The following ZNF493 variants were observed in gnomAD, a reference collection of about 807,000 sequenced individuals.
The protein encoded by ZNF493 is zinc finger protein 493.
Under a neutral mutation model 12.2 loss-of-function variants are expected in ZNF493, and 11 were observed. That is an observed-to-expected ratio of 0.90 (90% CI 0.57 to 1.50). The LOEUF (loss-of-function observed/expected upper bound fraction) is 1.50, where lower values mean the gene tolerates loss of function less well. ZNF493 is among the 40% of genes most tolerant of loss of function. The probability of loss-of-function intolerance (pLI) is 0.00; values close to 1 mark genes in which losing one functional copy is unlikely to be tolerated. For synonymous variants in ZNF493, 286 were observed against 302.6 expected (o/e 0.95, Z 0.57); for missense variants, 950 against 906.6 (o/e 1.05, Z -0.61).
intron 1 of ZNF493, among the ~76,000 whole-genome samples, chr19:21,401,898 A>G (rs891148188): frequency 9.9e-5 from 15 of 151,230 alleles, no homozygotes; most frequent in Non-Finnish European, 2.1e-4. Flanking sequence ...CCAAAGTGCT[A>G]GGATTACAGG....
chr19:21,422,985 T>C lies in ZNF493; in HGVS notation c.326T>C (p.Leu109Pro). 6.2e-7 allele frequency: 1 copy of C among 1,608,204 alleles called. No individual in the cohort carries two copies. Among genetic ancestry groups the C allele is most frequent in the Non-Finnish European group, 8.5e-7 (1 of 1,177,902 alleles). Residue 109 changes from leucine to proline, a missense_variant, in exon 4 of 4, where the codon CTG (leucine) becomes CCG (proline). Leu to Pro is a moderately conservative substitution (Grantham distance 98). Transcript: ENST00000392288. Reference sequence around the variant, plus strand: ...AAAGATTCTTTTCAAAAAGTGATACTGAGAGAATATGTAAAATGTGGACAT... The same window carrying C: ...AAAGATTCTTTTCAAAAAGTGATACCGAGAGAATATGTAAAATGTGGACAT... ...GIKDSFQKVI[L>P]REYVKCGHKD...
rs372017276 is a variant in ZNF493 at position 21,423,711 on chromosome 19, G to A, written c.1052G>A (p.Cys351Tyr). The change falls in exon 4 of 4, where the codon TGT becomes TAT. Residue 351 changes from cysteine to tyrosine, a missense_variant. Cys to Tyr is a radical substitution (Grantham distance 194). Transcript: ENST00000392288. ...IIHTEEKSHR[C>Y]EEYCKAYKES... ...CACACTGAAGAGAAATCCCACAGAT[G>A]TGAAGAATATTGCAAAGCTTATAAG... 1.7e-5 allele frequency: 27 copies of A among 1,613,544 alleles called. 1 individual carries two copies. The highest frequency in any genetic ancestry group is 1.4e-4 in the South Asian group (13 of 91,058).
Position 21,423,106 on chromosome 19 carries a change from C to T in ZNF493, c.447C>T (p.Thr149=), listed in dbSNP as rs373244661. Residue 149 remains threonine, a synonymous_variant, in exon 4 of 4, where the codon ACC becomes ACT. Transcript: ENST00000392288. ...AACTAAACCAGTATTTGACAACTACCCAGAGCAAAATATTTCAATGTGATA... is the reference window on the plus strand; with the variant it reads ...AACTAAACCAGTATTTGACAACTACTCAGAGCAAAATATTTCAATGTGATA... ...YNELNQYLTT[T]QSKIFQCDKY... 6.2e-7 allele frequency: 1 copy of T among 1,613,634 alleles called. No homozygotes were observed. The highest frequency in any genetic ancestry group is 8.5e-7 in the Non-Finnish European group (1 of 1,179,788).
intron 3 of ZNF493, among the ~76,000 whole-genome samples, chr19:21,422,413 C>A (rs1412421840): frequency 7.1e-6 from 1 of 141,564 alleles, no homozygotes; most frequent in Non-Finnish European, 1.5e-5. Flanking sequence ...CAAAAGTTGG[C>A]AAGTTACTTC....
intron 3 of ZNF493, among the ~76,000 whole-genome samples, chr19:21,418,596 C>T (rs2030563286): frequency 6.6e-6 from 1 of 152,172 alleles, no homozygotes; most frequent in Non-Finnish European, 1.5e-5. Flanking sequence ...AAGACACACA[C>T]ACAGAAATAT....
chr19:21,413,011 G>T lies in ZNF493; in HGVS notation c.253+7155G>T, dbSNP rs1362722940. On this transcript the variant is annotated intron_variant, in intron 3 of 3. Coordinates refer to ENST00000392288, the MANE Select transcript of ZNF493 (RefSeq NM_001076678.3). ...ATCATTTCTATCATCTGACCATTTT[G>T]TTCAGATCAGCTGAACACAGTGTGG... 4 of 367,476 alleles carry T rather than the reference G, an allele frequency of 1.1e-5. No individual in the cohort carries two copies. The Admixed American group carries it at 1.5e-4, about 14-fold the overall frequency. 22.8% of individuals were successfully genotyped at this position (367,476 alleles called of 1,614,324 possible). A position where few individuals can be genotyped will look rare whatever the true frequency, so the allele number is the denominator to read the frequency against.
At chr19:21,405,997 G>T (rs2030113240) in intron 3 of ZNF493, 141 bp downstream of exon 3, 2 of 523,118 alleles carry the variant, frequency 3.8e-6, no homozygotes, top group Admixed American at 7.6e-5. Flanking sequence ...AAGGCAGGTG[G>T]ATCACCTGAG....
In ZNF493 at chr19:21,424,589, C is replaced by A. The variant is rs1468099548; in HGVS notation, c.1930C>A (p.Leu644Ile). Residue 644 changes from leucine to isoleucine, a missense_variant, in exon 4 of 4, where the codon CTC becomes ATC. By Grantham distance (5) the Leu-to-Ile change is conservative (BLOSUM62 2). Coordinates refer to ENST00000392288, the MANE Select transcript of ZNF493 (RefSeq NM_001076678.3). The part of the protein sequence containing the change: ...CGKAFKRSSH[L>I]AGHKQIHSVQ... ...CAAAGCTTTTAAGCGGTCCTCACAC[C>A]TCGCTGGGCACAAGCAAATTCATAG... 1 of 1,613,478 alleles carries A rather than the reference C, an allele frequency of 6.2e-7. No individual in the cohort carries two copies. The highest frequency in any genetic ancestry group is 1.3e-5 in the African/African-American group (1 of 74,960).
Position 21,425,406 on chromosome 19 carries a change from C to T in ZNF493, c.*422C>T, listed in dbSNP as rs556884720. ...TTACTGATTCTTATACCTTACTAAA[C>T]ATAAAATAATTCATAAAGGAGATAA... On this transcript the variant is annotated 3_prime_UTR_variant, in exon 4 of 4. Coordinates refer to ENST00000392288, the MANE Select transcript of ZNF493 (RefSeq NM_001076678.3). The T allele has an allele frequency of 9.8e-5, 42 of 430,330 alleles. No homozygotes were observed. The highest frequency in any genetic ancestry group is 7.4e-4 in the African/African-American group (36 of 48,738). 26.7% of individuals were successfully genotyped at this position (430,330 alleles called of 1,614,324 possible).
At chr19:21,409,470 T>C (rs558336633) in intron 3 of ZNF493, among the ~76,000 whole-genome samples, 1 of 150,394 alleles carries the variant, frequency 6.6e-6, no homozygotes, top group South Asian at 2.1e-4. Flanking sequence ...GCCCAACATG[T>C]GGGTGGCTCA....
intron 3 of ZNF493, chr19:21,407,597 A>AT: frequency 2.0e-6 from 2 of 977,894 alleles, no homozygotes; most frequent in Non-Finnish European, 2.4e-6. Flanking sequence ...CCTAATAAAA[A>AT]TTTTTTTATT....
chr19:21,421,356 C>T (rs991553957), intron 3 of ZNF493, among the ~76,000 whole-genome samples: 13 of 151,520 alleles, frequency 8.6e-5, no homozygotes, highest in African/African-American at 2.9e-4. Flanking sequence ...TTGTTTCTTC[C>T]TCAAATTTTT....
At chr19:21,422,844 T>C (rs1843709107) in intron 3 of ZNF493, 69 bp from the exon 4 acceptor site, 2 of 1,356,916 alleles carry the variant, frequency 1.5e-6, no homozygotes, top group Non-Finnish European at 2.0e-6. Context: ...AATATTATAG[T>C]TTAGATTTGT....
intron 3 of ZNF493, among the ~76,000 whole-genome samples, chr19:21,417,973 C>T (rs888952469): frequency 4.6e-5 from 7 of 152,276 alleles, no homozygotes; most frequent in Non-Finnish European, 8.8e-5. Flanking sequence ...GGAAAAGGCT[C>T]AAATGTAGCT....
At chr19:21,421,070 GCT>G (rs1396253208) in intron 3 of ZNF493, among the ~76,000 whole-genome samples, 2 of 151,942 alleles carry the variant, frequency 1.3e-5, no homozygotes, top group Admixed American at 1.3e-4. Context: ...TTATGTTGCA[GCT>G]CCCAAGATTC....
intron 1 of ZNF493, among the ~76,000 whole-genome samples, chr19:21,400,283 A>G (rs1488885168): frequency 6.6e-6 from 1 of 151,934 alleles, no homozygotes; most frequent in Non-Finnish European, 1.5e-5. Flanking sequence ...GGTGGCACGC[A>G]CCTGTAGTCC....
intron 3 of ZNF493, among the ~76,000 whole-genome samples, chr19:21,417,145 C>T (rs1212830649): frequency 6.6e-6 from 1 of 152,128 alleles, no homozygotes; most frequent in East Asian, 1.9e-4. Flanking sequence ...CTGATTAGCC[C>T]AATGTTTTCC....
intron 3 of ZNF493, among the ~76,000 whole-genome samples, chr19:21,420,594 TATATATATATATATATATATATA>T (rs2030629958): frequency 2.4e-4 from 2 of 8,284 alleles, no homozygotes; most frequent in African/African-American, 1.7e-3. Context: ...CACTTGATTA[TATATATATATATATATATATATA>T]TATATATTTT....
chr19:21,405,343 T>C, intron 2 of ZNF493, 88 bp downstream of exon 2: 4 of 1,539,900 alleles, frequency 2.6e-6, no homozygotes, highest in Non-Finnish European at 2.6e-6. Flanking sequence ...TAATTTATGC[T>C]TTGCATAAGT....
Sources: gnomAD v4.1 joint callset for allele counts (sites outside exome capture counted in the v4.1 genomes callset) on GRCh38, gnomAD v4.1.1 for gene constraint, MANE v1.5 for transcripts, NCBI Gene and HGNC (gene_info 2026-07-23, HGNC 2026-07-21) for gene names.